The following CNTN3 variants were observed in gnomAD, a reference collection of about 807,000 sequenced individuals.
CNTN3 encodes contactin-3.
A neutral mutation model predicts 119.1 loss-of-function variants in CNTN3; 60 were observed. That is an observed-to-expected ratio of 0.50 (90% confidence interval 0.41 to 0.62). The LOEUF (loss-of-function observed/expected upper bound fraction) is 0.62, where lower values mean the gene tolerates loss of function less well. Ranked by LOEUF, CNTN3 falls within the 20% of genes least tolerant of loss-of-function variation. The pLI is 0.00. For missense variants in CNTN3, 1,101 were observed against 1,242.4 expected, an observed-to-expected ratio of 0.89 and a Z score of 1.71; for synonymous variants, 450 against 438.7, an observed-to-expected ratio of 1.03 and a Z score of -0.32.
chr3:74,445,739 T>C (rs1218082725), intron 4 of CNTN3, among the ~76,000 whole-genome samples: 1 of 152,180 alleles, frequency 6.6e-6, no homozygotes, highest in African/African-American at 2.4e-5. Context: ...ATGTGCACTA[T>C]CATTAAGAAT....
chr3:74,523,596 G>A (rs1409671569), intron 1 of CNTN3, among the ~76,000 whole-genome samples: 3 of 151,696 alleles, frequency 2.0e-5, no homozygotes, highest in Non-Finnish European at 2.9e-5. Flanking sequence ...GAAGGAATTC[G>A]GCAATAACAG....
chr3:74,334,737 C>T lies in CNTN3; in HGVS notation c.1666G>A (p.Gly556Arg), dbSNP rs772710248. 1.9e-6 allele frequency: 3 copies of T among 1,612,694 alleles called. No homozygotes were observed. The highest frequency in any genetic ancestry group is 2.5e-6 in the Non-Finnish European group (3 of 1,179,244). Residue 556 changes from glycine to arginine, a missense_variant and splice_region_variant, in exon 13 of 23, where the codon GGG (glycine) becomes AGG (arginine). Transcript: ENST00000263665. ...ATGAGGAAAGTGCCACAACTTACCC[C>T]ACCAACTTTCTCAAAGTGAGATCCA... is the stretch of plus-strand genomic sequence containing the variant. ...KDGSHFEKVG[G>R]SSSGDLMIRN...
chr3:74,423,557 C>T (rs1316902666), intron 5 of CNTN3, among the ~76,000 whole-genome samples: 1 of 152,178 alleles, frequency 6.6e-6, no homozygotes, highest in African/African-American at 2.4e-5. Context: ...TTCGTAAAAC[C>T]TCACAGTGCT....
At chr3:74,446,522 A>G (rs1056710189) in intron 4 of CNTN3, among the ~76,000 whole-genome samples, 1 of 152,174 alleles carries the variant, frequency 6.6e-6, no homozygotes, top group Admixed American at 6.5e-5. Flanking sequence ...TAAGCCAGTG[A>G]CATGTAGCAG....
intron 5 of CNTN3, among the ~76,000 whole-genome samples, chr3:74,416,758 C>T (rs912302136): frequency 2.0e-5 from 3 of 152,068 alleles, no homozygotes; most frequent in African/African-American, 7.2e-5. Context: ...GAGGCCGAAG[C>T]GGTTGGATCA....
chr3:74,589,966 G>GC (rs1169796159), intron 1 of CNTN3, among the ~76,000 whole-genome samples: 3 of 131,060 alleles, frequency 2.3e-5, no homozygotes, highest in Non-Finnish European at 4.9e-5. Context: ...GTGGGGTGGG[G>GC]GGGAGGGGGG....
chr3:74,549,493 T>C (rs184006977), intron 1 of CNTN3, among the ~76,000 whole-genome samples: 5 of 152,126 alleles, frequency 3.3e-5, no homozygotes, highest in Admixed American at 6.5e-5. Context: ...CCTTGACATG[T>C]GTTCCAAAAG....
At chr3:74,518,955 A>G (rs896131879) in intron 2 of CNTN3, among the ~76,000 whole-genome samples, 6 of 151,836 alleles carry the variant, frequency 4.0e-5, no homozygotes, top group Non-Finnish European at 5.9e-5. Flanking sequence ...TTTGGTGACC[A>G]TGTCTTTTAT....
chr3:74,492,116 A>C (rs1041475172), intron 3 of CNTN3, among the ~76,000 whole-genome samples: 4 of 152,178 alleles, frequency 2.6e-5, no homozygotes, highest in African/African-American at 9.7e-5. Context: ...TGATCCTACA[A>C]GTTCAGTGTC....
At chr3:74,490,374 G>T (rs1038532736) in intron 3 of CNTN3, among the ~76,000 whole-genome samples, 1 of 152,096 alleles carries the variant, frequency 6.6e-6, no homozygotes, top group African/African-American at 2.4e-5. Flanking sequence ...GTTTTTATAG[G>T]AAAAAACACT....
chr3:74,449,736 T>C (rs547666175), intron 4 of CNTN3, among the ~76,000 whole-genome samples: 1 of 152,228 alleles, frequency 6.6e-6, no homozygotes, highest in South Asian at 2.1e-4. Flanking sequence ...ATCCAGACAT[T>C]TACCAAAAGC....
intron 2 of CNTN3, among the ~76,000 whole-genome samples, chr3:74,519,137 G>A (rs1466168727): frequency 6.6e-6 from 1 of 151,502 alleles, no homozygotes; most frequent in Non-Finnish European, 1.5e-5. Context: ...TAAAGTTCAG[G>A]GGTCCATACA....
At chr3:74,459,728 C>A (rs1210774426) in intron 4 of CNTN3, among the ~76,000 whole-genome samples, 2 of 151,942 alleles carry the variant, frequency 1.3e-5, no homozygotes, top group Non-Finnish European at 2.9e-5. Context: ...CTGTCTTTAA[C>A]CTTTAAGGTA....
chr3:74,319,483 A>G (rs1394325197), intron 13 of CNTN3, among the ~76,000 whole-genome samples: 1 of 152,178 alleles, frequency 6.6e-6, no homozygotes, highest in Non-Finnish European at 1.5e-5. Context: ...CTGAAACTGG[A>G]TCCCTTCCTT....
chr3:74,442,089 A>T (rs1262238221), intron 4 of CNTN3, among the ~76,000 whole-genome samples: 1 of 151,574 alleles, frequency 6.6e-6, no homozygotes, highest in Non-Finnish European at 1.5e-5. Context: ...GATACACAGA[A>T]ATCTAATTGT....
At chr3:74,495,238 A>G (rs978477827) in intron 3 of CNTN3, among the ~76,000 whole-genome samples, 1 of 152,090 alleles carries the variant, frequency 6.6e-6, no homozygotes. Flanking sequence ...TAAGTGCCAA[A>G]ATAATTTAGA....
chr3:74,431,747 T>C (rs768876585), intron 4 of CNTN3, among the ~76,000 whole-genome samples: 1 of 152,154 alleles, frequency 6.6e-6, no homozygotes, highest in Admixed American at 6.6e-5. Flanking sequence ...AACTAAAATG[T>C]AACATAATAG....
chr3:74,519,824 A>C (rs537521475), intron 2 of CNTN3, among the ~76,000 whole-genome samples: 25 of 151,856 alleles, frequency 1.6e-4, no homozygotes, highest in Admixed American at 5.3e-4. Flanking sequence ...TTTTAGGAAC[A>C]AAATTGAGGC....
At chr3:74,383,140 G>T (rs576158146) in intron 5 of CNTN3, among the ~76,000 whole-genome samples, 11 of 152,258 alleles carry the variant, frequency 7.2e-5, no homozygotes, top group African/African-American at 2.6e-4. Flanking sequence ...CATGAAACTT[G>T]CCTTTATTCT....
Sources: allele counts gnomAD v4.1 joint callset (sites outside exome capture counted in the v4.1 genomes callset), GRCh38; gene constraint gnomAD v4.1.1; transcripts MANE v1.5; gene names NCBI Gene and HGNC (gene_info 2026-07-23, HGNC 2026-07-21).